AP1B1: variants seen among roughly 807,000 people sequenced by gnomAD.
The protein encoded by AP1B1 is AP-1 complex subunit beta-1.
AP1B1 carries 36 observed loss-of-function variants against 104.3 expected under a neutral mutation model. That is an observed-to-expected ratio of 0.35 (90% CI 0.26 to 0.46). The LOEUF (loss-of-function observed/expected upper bound fraction) is 0.46. Ranked by LOEUF, AP1B1 falls within the 20% of genes least tolerant of loss-of-function variation. AP1B1 has a pLI of 1.00. For synonymous variants in AP1B1, 504 were observed against 517.5 expected, an observed-to-expected ratio of 0.97 and a Z score of 0.35; for missense variants, 901 against 1,247.9, an observed-to-expected ratio of 0.72 and a Z score of 4.19.
intron 1 of AP1B1, among the ~76,000 whole-genome samples, chr22:29,368,716 C>T (rs999768572): frequency 4.1e-5 from 6 of 147,888 alleles, no homozygotes; most frequent in Non-Finnish European, 7.4e-5. Context: ...CCCCTTCTGA[C>T]GAGGAGGACA....
intron 1 of AP1B1, among the ~76,000 whole-genome samples, chr22:29,379,542 T>G (rs2062404294): frequency 6.6e-6 from 1 of 151,974 alleles, no homozygotes; most frequent in African/African-American, 2.4e-5. Flanking sequence ...CCTGGAACTG[T>G]GCCCCACACG....
rs377081143 is a variant in AP1B1 at position 29,328,116 on chromosome 22, G to A, written c.*705C>T. 4.6e-5 allele frequency: 7 copies of A among 152,990 alleles called. No homozygotes were observed. Among genetic ancestry groups the A allele is most frequent in the African/African-American group, 1.7e-4 (7 of 41,592 alleles). 9.5% of individuals were successfully genotyped at this position (152,990 alleles called of 1,614,324 possible). On this transcript the variant is annotated 3_prime_UTR_variant, in exon 23 of 23. Coordinates refer to ENST00000357586, the MANE Select transcript of AP1B1 (RefSeq NM_001127.4). The surrounding 1 kb of genome is among the most constrained non-coding windows in gnomAD (Gnocchi z 4.1). ...TGACCACCCTTGGGGCAGAAGTGGG[G>A]AGTTGGGGATAGTGCAGCTGCCAGT...
Position 29,328,664 on chromosome 22 carries a change from C to T in AP1B1, c.*157G>A. 1.1e-6 allele frequency: 1 copy of T among 902,282 alleles called. No homozygotes were observed. Among genetic ancestry groups the T allele is most frequent in the East Asian group, 2.7e-5 (1 of 37,346 alleles). The allele number at this position is 902,282 out of a possible 1,614,324, so 55.9% of individuals were successfully genotyped here. On this transcript the variant is annotated 3_prime_UTR_variant, in exon 23 of 23. Transcript: ENST00000357586. This position sits in a 1 kb window ranked among gnomAD's most constrained non-coding sequence, Gnocchi z 4.1. The stretch of plus-strand genomic sequence containing the variant: ...CACCCCAGGAGGGGGTGGTGCCCTA[C>T]CCCAGGGATCGGGTGGGTTCTGCCA...
intron 22 of AP1B1, 63 bp downstream of exon 22, chr22:29,329,649 G>A (rs1205081016): frequency 1.2e-6 from 2 of 1,609,616 alleles, no homozygotes; most frequent in East Asian, 4.5e-5. Flanking sequence ...GGGGTGCATG[G>A]GGGCCATGAC....
chr22:29,372,165 G>A (rs942583776), intron 1 of AP1B1, among the ~76,000 whole-genome samples: 20 of 152,298 alleles, frequency 1.3e-4, no homozygotes, highest in Non-Finnish European at 2.6e-4. Flanking sequence ...GCTCACGCCT[G>A]TAATCCGAGC....
chr22:29,328,594 C>T lies in AP1B1; in HGVS notation c.*227G>A, dbSNP rs1427920368. ...ACCTCACTTAACCCCACATCACAGC[C>T]ACAGGAGCAGGGGTGTCCCAGAGCA... is the stretch of plus-strand genomic sequence containing the variant. On this transcript the variant is annotated 3_prime_UTR_variant, in exon 23 of 23. Transcript: ENST00000357586. The surrounding 1 kb of genome is among the most constrained non-coding windows in gnomAD (Gnocchi z 4.1). 1.9e-6 allele frequency: 1 copy of T among 530,802 alleles called. No individual in the cohort carries two copies. The highest frequency in any genetic ancestry group is 1.9e-5 in the African/African-American group (1 of 52,044). 32.9% of individuals were successfully genotyped at this position (530,802 alleles called of 1,614,324 possible).
In AP1B1 at chr22:29,358,781, T is replaced by C. The variant is rs199960238; in HGVS notation, c.470A>G (p.Glu157Gly). The C allele has an allele frequency of 1.2e-6, 2 of 1,614,222 alleles. No individual in the cohort carries two copies. The highest frequency in any genetic ancestry group is 1.3e-5 in the African/African-American group (1 of 75,064). The change falls in exon 5 of 23, where the codon GAG becomes GGG. Residue 157 changes from glutamate to glycine, a missense_variant. Around this residue, in one of 3 missense-constraint regions of AP1B1, gnomAD observed 471 missense variants for 696.7 expected, o/e 0.68. Transcript: ENST00000357586. ...AAGGGTGTCCAGGAAGCCCTGGTCC[T>C]CCACCAGCTGGGCGTTGATGTCGTG... ...KLHDINAQLV[E>G]DQGFLDTLKD... is the part of the protein sequence containing the mutation.
At chr22:29,351,112 T>G (rs2061866991) in intron 9 of AP1B1, 59 bp downstream of exon 9, 1 of 1,508,118 alleles carries the variant, frequency 6.6e-7, no homozygotes, top group African/African-American at 1.4e-5. Flanking sequence ...ATCAGACTGG[T>G]TTCCCGGTTT....
intron 22 of AP1B1, chr22:29,329,296 C>A: frequency 1.7e-6 from 2 of 1,162,026 alleles, no homozygotes; most frequent in South Asian, 2.4e-5. Context: ...TGGGAGGGAG[C>A]CTGGAGGGGT....
At chr22:29,365,899 A>G (rs1251351099) in intron 2 of AP1B1, among the ~76,000 whole-genome samples, 1 of 151,662 alleles carries the variant, frequency 6.6e-6, no homozygotes, top group Non-Finnish European at 1.5e-5. Flanking sequence ...TACTCTACAG[A>G]CTGTCTTCCC....
chr22:29,360,998 G>C (rs578231767), intron 3 of AP1B1, among the ~76,000 whole-genome samples: 21 of 152,328 alleles, frequency 1.4e-4, no homozygotes, highest in East Asian at 3.9e-4. Context: ...AGGAAGAATG[G>C]GGAGGAGGGA....
intron 16 of AP1B1, among the ~76,000 whole-genome samples, chr22:29,335,623 G>A (rs576196917): frequency 1.3e-5 from 2 of 152,228 alleles, no homozygotes; most frequent in East Asian, 1.9e-4. Flanking sequence ...ATGTTATCTT[G>A]TGAAATGCAA....
At chr22:29,342,770 G>A (rs1027844770) in intron 11 of AP1B1, among the ~76,000 whole-genome samples, 2 of 152,152 alleles carry the variant, frequency 1.3e-5, no homozygotes, top group African/African-American at 4.8e-5. Flanking sequence ...ACAGTCCCAT[G>A]GAGGCCCAGG....
At chr22:29,383,742 CT>C (rs1183807224) in intron 1 of AP1B1, among the ~76,000 whole-genome samples, 1 of 151,192 alleles carries the variant, frequency 6.6e-6, no homozygotes, top group African/African-American at 2.4e-5. Flanking sequence ...AACCTACCAC[CT>C]TCCAGCTCCG....
chr22:29,374,300 G>A (rs917387298), intron 1 of AP1B1, among the ~76,000 whole-genome samples: 9 of 152,268 alleles, frequency 5.9e-5, no homozygotes, highest in African/African-American at 1.4e-4. Context: ...TCTTTGGAGT[G>A]TGACATCAAA....
At position 29,339,754 on chromosome 22, in the gene AP1B1, C is replaced by T. The variant is rs201033565; in HGVS notation, c.2019G>A (p.Gly673=). ...LDSLMGDEPE[G]IGGTNFVAPP... ...TGGTGACGCAAGGGTTGAACCATACCCCTTCAGGCTCATCCCCCATCTCCA... is the reference window on the plus strand; with the variant it reads ...TGGTGACGCAAGGGTTGAACCATACTCCTTCAGGCTCATCCCCCATCTCCA... Residue 673 remains glycine, a splice_region_variant and synonymous_variant, in exon 15 of 23, where the codon GGG becomes GGA. Transcript: ENST00000357586. The T allele has an allele frequency of 1.9e-6, 3 of 1,609,076 alleles. No individual in the cohort carries two copies. The highest frequency in any genetic ancestry group is 1.7e-6 in the Non-Finnish European group (2 of 1,177,914).
chr22:29,339,745 G>C lies in AP1B1; in HGVS notation c.2019+9C>G. The C allele has an allele frequency of 6.2e-7, 1 of 1,609,544 alleles. No individual in the cohort carries two copies. Among genetic ancestry groups the C allele is most frequent in the South Asian group, 1.1e-5 (1 of 90,268 alleles). On this transcript the variant is annotated intron_variant, in intron 15 of 22. Coordinates refer to ENST00000357586, the MANE Select transcript of AP1B1 (RefSeq NM_001127.4). ...ACGAAGGCTTGGTGACGCAAGGGTT[G>C]AACCATACCCCTTCAGGCTCATCCC...
At chr22:29,386,696 T>C (rs922062069) in intron 1 of AP1B1, among the ~76,000 whole-genome samples, 2 of 152,198 alleles carry the variant, frequency 1.3e-5, no homozygotes, top group Non-Finnish European at 2.9e-5. Flanking sequence ...ACAGCTTTCT[T>C]CAGAAGCCAT....
chr22:29,334,372 G>A lies in AP1B1; in HGVS notation c.2202C>T (p.Ile734=), dbSNP rs978776560. The change falls in exon 17 of 23, where the codon ATC becomes ATT. Residue 734 remains isoleucine (I), a synonymous_variant. Coordinates refer to ENST00000357586, the MANE Select transcript of AP1B1 (RefSeq NM_001127.4). ...CCACCTGGCGGGTGAAGGTGCCTGA[G>A]ATCTCCAGCCCCTTAGCCTTCATGG... The part of the protein sequence containing the change: ...LPAMKAKGLE[I]SGTFTRQVGS... 1 of 1,611,252 alleles carries A rather than the reference G, an allele frequency of 6.2e-7. No homozygotes were observed. Among genetic ancestry groups the A allele is most frequent in the Non-Finnish European group, 8.5e-7 (1 of 1,179,066 alleles).
Sources: allele counts gnomAD v4.1 joint callset (sites outside exome capture counted in the v4.1 genomes callset), GRCh38; gene constraint gnomAD v4.1.1; regional missense constraint gnomAD v4.1.1; non-coding constraint Gnocchi (gnomAD v3.1); transcripts MANE v1.5; gene names NCBI Gene and HGNC (gene_info 2026-07-23, HGNC 2026-07-21).